EPHA7: variants seen among roughly 807,000 people sequenced by gnomAD.
EPHA7 encodes ephrin type-A receptor 7.
EPHA7 carries 25 observed loss-of-function variants against 112.6 expected under a neutral mutation model. The observed-to-expected ratio is 0.22, with a 90% CI of 0.16 to 0.31. EPHA7 has a LOEUF of 0.31. EPHA7 is among the 10% of genes least tolerant of loss of function. The pLI, the probability that EPHA7 is intolerant of heterozygous loss-of-function variation, is 1.00. For synonymous variants in EPHA7, 437 were observed against 406.5 expected (o/e 1.07, Z -0.90); for missense variants, 962 against 1,212.6 (o/e 0.79, Z 3.07).
Position 93,410,282 on chromosome 6 carries a change from G to C in EPHA7, c.832+219C>G, listed in dbSNP as rs1778912187. 1 of 541,242 alleles carries C rather than the reference G, an allele frequency of 1.8e-6. No individual in the cohort carries two copies. The highest frequency in any genetic ancestry group is 3.2e-5 in the Admixed American group (1 of 31,264). 33.5% of individuals were successfully genotyped at this position (541,242 alleles called of 1,614,324 possible). On this transcript the variant is annotated intron_variant, in intron 3 of 16. Coordinates refer to ENST00000369303, the MANE Select transcript of EPHA7 (RefSeq NM_004440.4). This position sits in a 1 kb window ranked among gnomAD's most constrained non-coding sequence, Gnocchi z 4.0. ...TAAGCATAGGACACATTAAATTTTA[G>C]TAACAAATTTCATTATCACCTATAT...
Position 93,411,090 on chromosome 6 carries a change from T to C in EPHA7, c.243A>G (p.Gln81=). 6.2e-7 allele frequency: 1 copy of C among 1,613,888 alleles called. No individual in the cohort carries two copies. The highest frequency in any genetic ancestry group is 8.5e-7 in the Non-Finnish European group (1 of 1,179,974). The change falls in exon 3 of 17, where the codon CAA becomes CAG. Residue 81 remains glutamine (Q), a synonymous_variant. Transcript: ENST00000369303. Reference sequence around the variant, plus strand: ...TCCAGTTAGTCCGCAGCCAGTTGTTTTGGTTGGGCTCCATGACTTGGCACA... The same window carrying C: ...TCCAGTTAGTCCGCAGCCAGTTGTTCTGGTTGGGCTCCATGACTTGGCACA... ...YQVCQVMEPN[Q]NNWLRTNWIS... is the part of the protein sequence containing the mutation.
chr6:93,255,610 A>G (rs984876434), intron 13 of EPHA7, among the ~76,000 whole-genome samples: 1 of 152,130 alleles, frequency 6.6e-6, no homozygotes, highest in Non-Finnish European at 1.5e-5. Flanking sequence ...AATATAGGGC[A>G]GTCATGTTAT....
intron 3 of EPHA7, among the ~76,000 whole-genome samples, chr6:93,373,206 AT>A (rs1431226777): frequency 6.6e-6 from 1 of 151,922 alleles, no homozygotes; most frequent in East Asian, 1.9e-4. Context: ...TTTATATTAT[AT>A]TTAATTTTAT....
intron 15 of EPHA7, among the ~76,000 whole-genome samples, chr6:93,246,301 C>T (rs781675388): frequency 3.9e-5 from 6 of 152,056 alleles, no homozygotes; most frequent in Non-Finnish European, 7.4e-5. Context: ...CCACCTACCT[C>T]GGCCTCCCAA....
At position 93,244,298 on chromosome 6, in the gene EPHA7, A is replaced by C. The variant is rs548777725; in HGVS notation, c.2883-758T>G. ...AGATTGCTTTGGGGACCCAAGTGTA[A>C]AAATGCCCACATAGTGACTGGAAGA... On this transcript the variant is annotated intron_variant, in intron 16 of 16. Transcript: ENST00000369303. Among the ~76,000 whole-genome samples the C allele has an allele frequency of 2.2e-4, 34 of 152,204 alleles. No individual in the cohort carries two copies. In the South Asian group the frequency reaches 6.6e-3, roughly 30 times the overall value.
In EPHA7 at chr6:93,264,635, G is replaced by C. The variant is rs1428020526; in HGVS notation, c.1701C>G (p.Ile567Met). 1 of 1,607,824 alleles carries C rather than the reference G, an allele frequency of 6.2e-7. No homozygotes were observed. Among genetic ancestry groups the C allele is most frequent in the South Asian group, 1.1e-5 (1 of 90,832 alleles). Residue 567 changes from isoleucine to methionine, a missense_variant, in exon 8 of 17, where the codon ATC becomes ATG. By Grantham distance (10) the Ile-to-Met change is conservative (BLOSUM62 1). Transcript: ENST00000369303. ...IIAVVAVAGT[I>M]ILVFMVFGFI... ...AGCCAAAGACCATGAACACCAAAAT[G>C]ATGGTCCCAGCTACAGCAACCACAG...
At position 93,410,970 on chromosome 6, in the gene EPHA7, T is replaced by C. The variant is rs537012893; in HGVS notation, c.363A>G (p.Glu121=). The C allele has an allele frequency of 3.8e-5, 61 of 1,614,082 alleles. No individual in the cohort carries two copies. The South Asian group carries it at 6.3e-4, about 17-fold the overall frequency. ...SLPGVLGTCK[E]TFNLYYYETD... ...TTTCATAATAGTACAAATTAAATGT[T>C]TCCTTGCAAGTTCCCAGTACTCCAG... Residue 121 remains glutamate (E), a synonymous_variant, in exon 3 of 17, where the codon GAA becomes GAG. Coordinates refer to ENST00000369303, the MANE Select transcript of EPHA7 (RefSeq NM_004440.4). This position sits in a 1 kb window ranked among gnomAD's most constrained non-coding sequence, Gnocchi z 4.0.
chr6:93,395,575 T>TCACACACACACA (rs4053540), intron 3 of EPHA7, among the ~76,000 whole-genome samples: 268 of 145,524 alleles, frequency 1.8e-3, no homozygotes, highest in African/African-American at 6.0e-3. Context: ...TTTACTTATT[T>TCACACACACACA]CACACACACA....
At chr6:93,315,021 C>G (rs574747842) in intron 5 of EPHA7, among the ~76,000 whole-genome samples, 2 of 149,542 alleles carry the variant, frequency 1.3e-5, no homozygotes, top group Non-Finnish European at 3.0e-5. Flanking sequence ...CGCCACCACG[C>G]CCGGCTAATT....
chr6:93,412,590 T>C (rs1021940999), intron 2 of EPHA7, among the ~76,000 whole-genome samples: 6 of 152,092 alleles, frequency 3.9e-5, no homozygotes, highest in Non-Finnish European at 8.8e-5. Flanking sequence ...TGTGACTAGT[T>C]AACAGTGTGC....
chr6:93,416,255 A>G (rs545830371), intron 1 of EPHA7, among the ~76,000 whole-genome samples: 1 of 152,332 alleles, frequency 6.6e-6, no homozygotes, highest in Admixed American at 6.5e-5. Flanking sequence ...TTTATCCTCA[A>G]CAACAGACAT....
chr6:93,269,439 T>G, intron 7 of EPHA7, 38 bp downstream of exon 7: 1 of 1,573,870 alleles, frequency 6.4e-7, no homozygotes, highest in Admixed American at 1.7e-5. Flanking sequence ...TATGCTAGAG[T>G]TATTGAGAGT....
intron 6 of EPHA7, 71 bp from the exon 7 acceptor site, chr6:93,269,731 A>T: frequency 8.2e-7 from 1 of 1,221,010 alleles, no homozygotes; most frequent in South Asian, 1.7e-5. Flanking sequence ...AACTGTTTCA[A>T]TTTAATTCAA....
At chr6:93,273,280 G>A (rs754622400) in intron 5 of EPHA7, among the ~76,000 whole-genome samples, 1 of 151,888 alleles carries the variant, frequency 6.6e-6, no homozygotes, top group Non-Finnish European at 1.5e-5. Context: ...CTGTCTAAAT[G>A]AGTAGCTGCA....
At chr6:93,304,028 C>A (rs1350621460) in intron 5 of EPHA7, among the ~76,000 whole-genome samples, 1 of 151,964 alleles carries the variant, frequency 6.6e-6, no homozygotes, top group African/African-American at 2.4e-5. Flanking sequence ...TAAAGACAGC[C>A]TTCACTGCAC....
chr6:93,409,196 T>C (rs1446089790), intron 3 of EPHA7, among the ~76,000 whole-genome samples: 1 of 152,102 alleles, frequency 6.6e-6, no homozygotes, highest in Non-Finnish European at 1.5e-5. Flanking sequence ...CCAATTTATA[T>C]ATGTATATGA....
At chr6:93,341,645 C>G (rs1405715022) in intron 5 of EPHA7, among the ~76,000 whole-genome samples, 1 of 151,830 alleles carries the variant, frequency 6.6e-6, no homozygotes, top group East Asian at 1.9e-4. Context: ...TTCATATAAA[C>G]CTTAAATCCT....
intron 3 of EPHA7, among the ~76,000 whole-genome samples, chr6:93,373,491 C>G (rs1776903945): frequency 6.6e-6 from 1 of 152,050 alleles, no homozygotes; most frequent in Admixed American, 6.6e-5. Context: ...TATTCAATAT[C>G]ATTTGTGAAA....
At chr6:93,337,777 A>G (rs1180922047) in intron 5 of EPHA7, among the ~76,000 whole-genome samples, 5 of 152,160 alleles carry the variant, frequency 3.3e-5, no homozygotes, top group Admixed American at 6.6e-5. Flanking sequence ...TGGAAAAAGC[A>G]GCAGCATCCT....
Sources: gnomAD v4.1 joint callset for allele counts (sites outside exome capture counted in the v4.1 genomes callset) on GRCh38, gnomAD v4.1.1 for gene constraint, Gnocchi (gnomAD v3.1) non-coding constraint, MANE v1.5 for transcripts, NCBI Gene and HGNC (gene_info 2026-07-23, HGNC 2026-07-21) for gene names.